EPHX1: variants seen among roughly 807,000 people sequenced by gnomAD.
The protein encoded by EPHX1 is epoxide hydrolase 1, also known as epoxide hydratase.
In EPHX1, 40 loss-of-function variants were observed where a neutral mutation model predicts 43.2. The ratio of observed to expected loss-of-function variants is 0.93; its 90% CI spans 0.72 to 1.21. The LOEUF (loss-of-function observed/expected upper bound fraction) is 1.21. Ranked by LOEUF, EPHX1 falls within the 50% of genes most tolerant of loss-of-function variation. The pLI, the probability that EPHX1 is intolerant of heterozygous loss-of-function variation, is 0.00. For synonymous variants in EPHX1, 221 were observed against 226.7 expected, an observed-to-expected ratio of 0.98 and a Z score of 0.22; for missense variants, 550 against 570.4, an observed-to-expected ratio of 0.96 and a Z score of 0.36.
intron 3 of EPHX1, among the ~76,000 whole-genome samples, chr1:225,835,434 G>A (rs1406579810): frequency 7.1e-6 from 1 of 140,908 alleles, no homozygotes; most frequent in African/African-American, 2.8e-5. Flanking sequence ...CTGTCACCCA[G>A]GCTGGAGTGC....
At chr1:225,835,939 A>T (rs1376278491) in intron 3 of EPHX1, among the ~76,000 whole-genome samples, 2 of 152,076 alleles carry the variant, frequency 1.3e-5, no homozygotes, top group Non-Finnish European at 2.9e-5. Flanking sequence ...GGACTTACCC[A>T]TGTGTGGTTC....
chr1:225,823,440 G>T (rs1399810405), intron 1 of EPHX1, among the ~76,000 whole-genome samples: 2 of 152,204 alleles, frequency 1.3e-5, no homozygotes, highest in East Asian at 1.9e-4. Flanking sequence ...GGAAACCCAG[G>T]CTGGCTCCTT....
At chr1:225,828,279 G>T (rs946403617) in intron 1 of EPHX1, among the ~76,000 whole-genome samples, 9 of 151,856 alleles carry the variant, frequency 5.9e-5, no homozygotes, top group African/African-American at 2.4e-5. Flanking sequence ...GGGAGGCAAA[G>T]GTTGCAATGA....
chr1:225,831,185 A>G (rs1254377007), intron 2 of EPHX1, among the ~76,000 whole-genome samples: 1 of 152,228 alleles, frequency 6.6e-6, no homozygotes, highest in African/African-American at 2.4e-5. Flanking sequence ...CCTTTACAGA[A>G]AAAGTTTGCC....
At chr1:225,844,356 C>A in intron 7 of EPHX1, 142 bp from the exon 8 acceptor site, 2 of 1,321,832 alleles carry the variant, frequency 1.5e-6, no homozygotes, top group Non-Finnish European at 2.2e-6. Context: ...GCCTGTGACA[C>A]GAGGATACCA....
At chr1:225,839,399 G>A in intron 5 of EPHX1, 53 bp downstream of exon 5, 1 of 1,584,928 alleles carries the variant, frequency 6.3e-7, no homozygotes. Context: ...GTGTGTGTGT[G>A]TGTCCTCTAA....
At chr1:225,811,936 T>C (rs1311748160) in intron 1 of EPHX1, among the ~76,000 whole-genome samples, 2 of 152,092 alleles carry the variant, frequency 1.3e-5, no homozygotes, top group East Asian at 3.9e-4. Context: ...CTATAAAGTA[T>C]GTTAGAAGAT....
chr1:225,835,989 G>A (rs566435676), intron 3 of EPHX1, among the ~76,000 whole-genome samples: 3 of 152,060 alleles, frequency 2.0e-5, no homozygotes, highest in Non-Finnish European at 4.4e-5. Flanking sequence ...TCTTGGCCTT[G>A]GTCCTTTAGA....
Position 225,833,906 on chromosome 1 carries a change from GT to G in EPHX1, c.364+1948del, listed in dbSNP as rs577106721. On this transcript the variant is annotated intron_variant, in intron 3 of 8. Transcript: ENST00000272167. ...AGGTCAGGAGATCGAGACCATCCTGGTCTAACTTGGTGAAACCCCGTCTCTA... is the reference window on the plus strand; with the variant it reads ...AGGTCAGGAGATCGAGACCATCCTGGCTAACTTGGTGAAACCCCGTCTCTA... Among the ~76,000 whole-genome samples, 798 of 147,778 alleles carry G rather than the reference GT, an allele frequency of 5.4e-3. 3 individuals carry two copies. The highest frequency in any genetic ancestry group is 8.8e-3 in the Non-Finnish European group (589 of 66,648).
chr1:225,818,924 A>G (rs1418370914), intron 1 of EPHX1, among the ~76,000 whole-genome samples: 3 of 92,710 alleles, frequency 3.2e-5, no homozygotes, highest in Admixed American at 2.3e-4. Flanking sequence ...ACCTGTCTCC[A>G]TTAAAAAAAA....
intron 2 of EPHX1, among the ~76,000 whole-genome samples, chr1:225,829,128 C>G (rs1667432642): frequency 6.6e-6 from 1 of 152,116 alleles, no homozygotes; most frequent in African/African-American, 2.4e-5. Context: ...TTCTCCTTTC[C>G]CTACCCAAGG....
At chr1:225,844,722 A>G in intron 8 of EPHX1, 99 bp downstream of exon 8, 1 of 1,556,042 alleles carries the variant, frequency 6.4e-7, no homozygotes, top group South Asian at 1.2e-5. Context: ...TGGGATAAGT[A>G]TAGCCTTGCC....
chr1:225,816,237 G>A (rs891966689), intron 1 of EPHX1, among the ~76,000 whole-genome samples: 7 of 152,314 alleles, frequency 4.6e-5, no homozygotes, highest in Middle Eastern at 6.8e-3. Flanking sequence ...AGGCTGCAGT[G>A]AGCTGAGATT....
Position 225,831,765 on chromosome 1 carries a change from G to A in EPHX1, c.184-14G>A, listed in dbSNP as rs1466423366. The A allele has an allele frequency of 2.5e-6, 4 of 1,613,478 alleles. No individual in the cohort carries two copies. Among genetic ancestry groups the A allele is most frequent in the South Asian group, 2.2e-5 (2 of 91,036 alleles). On this transcript the variant is annotated splice_polypyrimidine_tract_variant and intron_variant, in intron 2 of 8. Coordinates refer to ENST00000272167, the MANE Select transcript of EPHX1 (RefSeq NM_001136018.4). ...CCCATCCCTCTCAACTTGGGGTCCT[G>A]AATTTTGCTCCAGGACTTACACCAG...
chr1:225,816,020 T>C (rs1268962970), intron 1 of EPHX1, among the ~76,000 whole-genome samples: 1 of 152,232 alleles, frequency 6.6e-6, no homozygotes, highest in Non-Finnish European at 1.5e-5. Flanking sequence ...TGGCCCGGCA[T>C]GGTGGCTCAT....
rs1317535403 is a variant in EPHX1 at position 225,831,943 on chromosome 1, C to G, written c.348C>G (p.Phe116Leu). ...QVEILNRYPH[F>L]KTKIEGLDIH... ...AGATTCTCAACAGATACCCTCACTTCAAGACTAAGATTGAAGGTATGTTTG... is the reference window on the plus strand; with the variant it reads ...AGATTCTCAACAGATACCCTCACTTGAAGACTAAGATTGAAGGTATGTTTG... The change falls in exon 3 of 9, where the codon TTC (phenylalanine) becomes TTG (leucine). Residue 116 changes from phenylalanine to leucine, a missense_variant. By Grantham distance (22) the Phe-to-Leu change is conservative (BLOSUM62 0). Transcript: ENST00000272167. The G allele has an allele frequency of 1.2e-6, 2 of 1,614,084 alleles. No individual in the cohort carries two copies. The highest frequency in any genetic ancestry group is 4.5e-5 in the East Asian group (2 of 44,884).
chr1:225,820,249 C>T (rs936819297), intron 1 of EPHX1, among the ~76,000 whole-genome samples: 8 of 152,022 alleles, frequency 5.3e-5, no homozygotes, highest in African/African-American at 1.5e-4. Flanking sequence ...CAGGCATGCC[C>T]GGCTAATTTT....
intron 6 of EPHX1, chr1:225,841,219 G>A (rs918798872): frequency 1.3e-5 from 2 of 152,172 alleles, no homozygotes; most frequent in Non-Finnish European, 2.9e-5. Context: ...ATATACCCTT[G>A]AGTCTGGCTT....
At chr1:225,840,095 C>G in intron 6 of EPHX1, 58 bp downstream of exon 6, 1 of 1,566,052 alleles carries the variant, frequency 6.4e-7, no homozygotes, top group Non-Finnish European at 8.8e-7. Flanking sequence ...GGGAGACACC[C>G]GCGGGGTAAC....
Sources: gnomAD v4.1 joint callset for allele counts (sites outside exome capture counted in the v4.1 genomes callset) on GRCh38, gnomAD v4.1.1 for gene constraint, MANE v1.5 for transcripts, NCBI Gene and HGNC (gene_info 2026-07-23, HGNC 2026-07-21) for gene names.